The following BPTF variants were observed in gnomAD, a reference collection of about 807,000 sequenced individuals.
BPTF encodes the protein bromodomain PHD finger transcription factor, also known as nucleosome-remodeling factor subunit BPTF.
BPTF carries 18 observed loss-of-function variants against 292.5 expected under a neutral mutation model. The observed-to-expected ratio is 0.06, with a 90% CI of 0.04 to 0.09. The LOEUF is 0.09. BPTF is among the 10% of genes least tolerant of loss of function. BPTF has a pLI of 1.00. For missense variants in BPTF, 2,726 were observed against 3,498.7 expected, an observed-to-expected ratio of 0.78 and a Z score of 5.57; for synonymous variants, 1,225 against 1,251.9, an observed-to-expected ratio of 0.98 and a Z score of 0.45.
intron 9 of BPTF, 28 bp downstream of exon 9, chr17:67,904,868 A>C (rs761471003): frequency 6.4e-7 from 1 of 1,561,364 alleles, no homozygotes; most frequent in East Asian, 2.3e-5. Flanking sequence ...CATGTCCTGC[A>C]TAATCGTTTC....
At chr17:67,857,779 T>C (rs542400432) in intron 2 of BPTF, among the ~76,000 whole-genome samples, 1 of 141,302 alleles carries the variant, frequency 7.1e-6, no homozygotes, top group Admixed American at 7.2e-5. Flanking sequence ...ACAATATTTC[T>C]TTCTTTTTTT....
chr17:67,980,120 G>A (rs1254797490), intron 27 of BPTF, among the ~76,000 whole-genome samples: 2 of 152,028 alleles, frequency 1.3e-5, no homozygotes, highest in African/African-American at 4.8e-5. Flanking sequence ...TGAGGTGGGT[G>A]AATCACTTGA....
intron 1 of BPTF, among the ~76,000 whole-genome samples, chr17:67,828,082 C>T (rs1488923501): frequency 6.6e-6 from 1 of 151,684 alleles, no homozygotes; most frequent in Non-Finnish European, 1.5e-5. Context: ...CAGGTGCCCA[C>T]CAGCACACCC....
rs199905981 is a variant in BPTF at position 67,928,621 on chromosome 17, T to C, written c.5998+20T>C. ...ATTCAGGTATGGAACTATCATTAAGTAAAAGATTACTTTGGTTCAGGAAAA... is the reference window on the plus strand; with the variant it reads ...ATTCAGGTATGGAACTATCATTAAGCAAAAGATTACTTTGGTTCAGGAAAA... On this transcript the variant is annotated intron_variant, in intron 16 of 27. Coordinates refer to ENST00000306378, the MANE Select transcript of BPTF (RefSeq NM_182641.4). The C allele has an allele frequency of 7.7e-5, 121 of 1,575,540 alleles. 1 individual carries two copies. The highest frequency in any genetic ancestry group is 1.7e-4 in the Middle Eastern group (1 of 5,900).
chr17:67,953,553 C>T (rs1233816883), intron 23 of BPTF, among the ~76,000 whole-genome samples: 5 of 145,514 alleles, frequency 3.4e-5, no homozygotes, highest in African/African-American at 1.0e-4. Flanking sequence ...CCACCATGCC[C>T]GGCCCGTCAA....
intron 21 of BPTF, 64 bp downstream of exon 21, chr17:67,946,389 TA>T: frequency 6.4e-7 from 1 of 1,554,946 alleles, no homozygotes. Flanking sequence ...GCAGTAGAAT[TA>T]GTGTTTGGTT....
chr17:67,856,352 A>G (rs2058690171), intron 2 of BPTF, among the ~76,000 whole-genome samples: 2 of 152,082 alleles, frequency 1.3e-5, no homozygotes, highest in African/African-American at 4.8e-5. Context: ...TCTTGGATAT[A>G]GTATTTTCTC....
At chr17:67,887,682 T>G (rs1255476637) in intron 4 of BPTF, among the ~76,000 whole-genome samples, 4 of 152,300 alleles carry the variant, frequency 2.6e-5, no homozygotes, top group South Asian at 4.1e-4. Context: ...GGAATTTAAT[T>G]AGCTCATGTA....
intron 20 of BPTF, 164 bp downstream of exon 20, chr17:67,944,536 A>T: frequency 1.4e-6 from 1 of 728,198 alleles, no homozygotes; most frequent in South Asian, 1.9e-5. Flanking sequence ...AAGCTTTTGT[A>T]CCCTATTCTT....
chr17:67,839,333 T>A (rs547211087), intron 1 of BPTF, among the ~76,000 whole-genome samples: 22 of 152,156 alleles, frequency 1.4e-4, no homozygotes, highest in African/African-American at 5.1e-4. Flanking sequence ...TAAGTTTTTT[T>A]TTAAAAAAAA....
chr17:67,847,817 T>C lies in BPTF; in HGVS notation c.614-6123T>C, dbSNP rs1441476521. Among the ~76,000 whole-genome samples, 5 of 152,274 alleles carry C rather than the reference T, an allele frequency of 3.3e-5. No homozygotes were observed. In the East Asian group the frequency reaches 9.6e-4, roughly 29 times the overall value. On this transcript the variant is annotated intron_variant, in intron 1 of 27. Coordinates refer to ENST00000306378, the MANE Select transcript of BPTF (RefSeq NM_182641.4). ...TAACCTTGTTCAGTAATAACGTTAATGCTAGATTGGGACACTATTCCACAT... is the reference window on the plus strand; with the variant it reads ...TAACCTTGTTCAGTAATAACGTTAACGCTAGATTGGGACACTATTCCACAT...
At chr17:67,904,906 T>G (rs2062072737) in intron 9 of BPTF, 66 bp downstream of exon 9, 1 of 1,272,456 alleles carries the variant, frequency 7.9e-7, no homozygotes, top group Admixed American at 2.4e-5. Context: ...AAATTTGTAG[T>G]ATTTTGACTA....
intron 23 of BPTF, among the ~76,000 whole-genome samples, chr17:67,949,347 C>T (rs533291275): frequency 4.3e-4 from 65 of 151,600 alleles, no homozygotes; most frequent in Admixed American, 2.3e-3. Context: ...GAAGCCGAGG[C>T]GGGTGGATCA....
chr17:67,927,867 A>G (rs918673609), intron 15 of BPTF, among the ~76,000 whole-genome samples: 3 of 152,100 alleles, frequency 2.0e-5, no homozygotes, highest in African/African-American at 7.2e-5. Context: ...TATGGCCTTC[A>G]TCAAGAAATT....
chr17:67,828,969 A>G (rs1452109500), intron 1 of BPTF, among the ~76,000 whole-genome samples: 1 of 152,232 alleles, frequency 6.6e-6, no homozygotes, highest in Non-Finnish European at 1.5e-5. Flanking sequence ...GTGCTCATCA[A>G]AGATTGGTTG....
chr17:67,915,724 C>CT (rs1204916772), intron 11 of BPTF, among the ~76,000 whole-genome samples: 1 of 149,788 alleles, frequency 6.7e-6, no homozygotes, highest in Non-Finnish European at 1.5e-5. Context: ...CAGCAAAGCT[C>CT]TGATCCTCAT....
intron 9 of BPTF, among the ~76,000 whole-genome samples, chr17:67,906,808 T>C (rs892356793): frequency 2.6e-5 from 4 of 152,194 alleles, no homozygotes; most frequent in Non-Finnish European, 5.9e-5. Flanking sequence ...CAGACCTTTC[T>C]GGAAGAAATC....
intron 7 of BPTF, among the ~76,000 whole-genome samples, chr17:67,898,921 CA>C (rs58991615): frequency 0.036 from 2,863 of 80,004 alleles, 33 homozygotes; most frequent in African/African-American, 0.093. Flanking sequence ...TACCCTGTCT[CA>C]AAAAAAAAAA....
chr17:67,827,930 CTTTTTTTTTTT>C lies in BPTF; in HGVS notation c.613+1602_613+1612del, dbSNP rs35169238. 3.9e-5 allele frequency among the ~76,000 whole-genome samples: 5 copies of C among 128,960 alleles called. No homozygotes were observed. The East Asian group carries it at 1.2e-3, about 30-fold the overall frequency. The allele number at this position is 128,960 out of a possible 152,430, so 84.6% of individuals were successfully genotyped here. A position where few individuals can be genotyped will look rare whatever the true frequency, so the allele number is the denominator to read the frequency against. ...AATCCTTGCCAACTTAATTTTAGTA[CTTTTTTTTTTT>C]TTTTTTTTGAGAGGGAGTCTTGCTC... On this transcript the variant is annotated intron_variant, in intron 1 of 27. Coordinates refer to ENST00000306378, the MANE Select transcript of BPTF (RefSeq NM_182641.4).
Sources: allele counts gnomAD v4.1 joint callset (sites outside exome capture counted in the v4.1 genomes callset), GRCh38; gene constraint gnomAD v4.1.1; transcripts MANE v1.5; gene names NCBI Gene and HGNC (gene_info 2026-07-23, HGNC 2026-07-21).